ZMYM1: variants seen among roughly 807,000 people sequenced by gnomAD.
ZMYM1 encodes zinc finger MYM-type protein 1.
ZMYM1 carries 39 observed loss-of-function variants against 60.0 expected under a neutral mutation model. The observed-to-expected ratio is 0.65, with a 90% CI of 0.50 to 0.85. The LOEUF (loss-of-function observed/expected upper bound fraction) is 0.85. Ranked by LOEUF, ZMYM1 falls within the 40% of genes least tolerant of loss-of-function variation. The pLI, the probability that ZMYM1 is intolerant of heterozygous loss-of-function variation, is 0.00. For missense variants in ZMYM1, 1,171 were observed against 1,309.5 expected (o/e 0.89, Z 1.63); for synonymous variants, 413 against 454.0 (o/e 0.91, Z 1.15).
chr1:35,095,789 T>G (rs781150909), intron 2 of ZMYM1, 30 bp from the exon 3 acceptor site: 45 of 1,495,948 alleles, frequency 3.0e-5, no homozygotes, highest in Admixed American at 2.7e-4. Context: ...TATTCACTAT[T>G]TTTAATTATT....
Position 35,113,921 on chromosome 1 carries a change from CA to C in ZMYM1, c.2095del (p.Thr699LeufsTer24). ...MTGTHLHRTIKTYLQQIGVDM... is the reference protein window; with the variant it reads ...MTGTHLHRTIXTYLQQIGVDM... ...CTGGGACCCACTTACATAGGACTAT[CA>C]AAACTTATCTGCAGCAAATTGGAGT... On this transcript the variant is annotated frameshift_variant, in exon 10 of 10. Transcript: ENST00000359858. LOFTEE classifies it low-confidence loss of function (END_TRUNC). The C allele has an allele frequency of 6.2e-7, 1 of 1,613,876 alleles. No individual in the cohort carries two copies. Among genetic ancestry groups the C allele is most frequent in the Non-Finnish European group, 8.5e-7 (1 of 1,179,888 alleles).
Position 35,109,984 on chromosome 1 carries a change from G to A in ZMYM1, c.808-310G>A, listed in dbSNP as rs1644030684. On this transcript the variant is annotated intron_variant, in intron 6 of 9. Transcript: ENST00000359858. ...GCTGGTCTCGAACTCCTGACCTCAG[G>A]TGATCTGCCTGCTTTGGCCTCCCAA... 1.3e-5 allele frequency among the ~76,000 whole-genome samples: 2 copies of A among 152,116 alleles called. 1 individual carries two copies. Among genetic ancestry groups the A allele is most frequent in the South Asian group, 4.1e-4 (2 of 4,832 alleles).
At chr1:35,104,497 G>T (rs775755143) in intron 5 of ZMYM1, 28 bp downstream of exon 5, 3 of 1,610,440 alleles carry the variant, frequency 1.9e-6, no homozygotes, top group Non-Finnish European at 2.5e-6. Flanking sequence ...CCTTTACAGG[G>T]ATTCTGATGA....
chr1:35,094,020 C>T lies in ZMYM1; in HGVS notation c.33C>T (p.Asp11=), dbSNP rs377091826. The T allele has an allele frequency of 4.3e-6, 7 of 1,610,416 alleles. No homozygotes were observed. Among genetic ancestry groups the T allele is most frequent in the East Asian group, 2.2e-5 (1 of 44,620 alleles). Residue 11 remains aspartate (D), a synonymous_variant, in exon 2 of 10, where the codon GAC becomes GAT. Transcript: ENST00000359858. MKEPLLGGEC[D]KAVASQLGLL... Reference sequence around the variant, plus strand: ...AACCACTTTTAGGTGGTGAGTGTGACAAGGCAGTGGCATCACAGCTGGGGC... The same window carrying T: ...AACCACTTTTAGGTGGTGAGTGTGATAAGGCAGTGGCATCACAGCTGGGGC...
At position 35,114,896 on chromosome 1, in the gene ZMYM1, C is replaced by T. The variant is rs779950653; in HGVS notation, c.3066C>T (p.Asp1022=). The change falls in exon 10 of 10, where the codon GAC becomes GAT. Residue 1022 remains aspartate, a synonymous_variant. Coordinates refer to ENST00000359858, the MANE Select transcript of ZMYM1 (RefSeq NM_024772.5). The part of the protein sequence containing the change: ...HVQEFYKLDE[D]IIPELRFYRH... ...AGGAATTTTATAAACTTGATGAGGACATTATCCCAGAACTTAGATTTTATC... is the reference window on the plus strand; with the variant it reads ...AGGAATTTTATAAACTTGATGAGGATATTATCCCAGAACTTAGATTTTATC... 1 of 1,610,710 alleles carries T rather than the reference C, an allele frequency of 6.2e-7. No individual in the cohort carries two copies. The highest frequency in any genetic ancestry group is 1.3e-5 in the African/African-American group (1 of 74,952).
chr1:35,104,974 G>A (rs182202107), intron 6 of ZMYM1, among the ~76,000 whole-genome samples: 12 of 152,230 alleles, frequency 7.9e-5, no homozygotes, highest in East Asian at 5.8e-4. Context: ...ATCTCAGATC[G>A]ATTATCTCAC....
chr1:35,086,057 A>C (rs940924937), intron 1 of ZMYM1, among the ~76,000 whole-genome samples: 1 of 152,226 alleles, frequency 6.6e-6, no homozygotes, highest in Non-Finnish European at 1.5e-5. Context: ...TGATGACAGA[A>C]TTCAATTTTA....
At chr1:35,080,314 CTTTTTT>C (rs35214559) in intron 1 of ZMYM1, among the ~76,000 whole-genome samples, 1 of 125,508 alleles carries the variant, frequency 8.0e-6, no homozygotes, top group African/African-American at 3.2e-5. Flanking sequence ...ATTTGTGCTT[CTTTTTT>C]TTTTTTTTTT....
chr1:35,097,842 G>T (rs748599124), intron 4 of ZMYM1, among the ~76,000 whole-genome samples: 28 of 151,848 alleles, frequency 1.8e-4, no homozygotes, highest in Non-Finnish European at 3.5e-4. Flanking sequence ...ATGGGGTTTC[G>T]TTCGCCATGT....
At chr1:35,099,921 C>CA (rs149658456) in intron 4 of ZMYM1, among the ~76,000 whole-genome samples, 5,049 of 152,130 alleles carry the variant, frequency 0.033, 118 homozygotes, top group Non-Finnish European at 0.051. Context: ...AGTCTCGTCT[C>CA]AATCTGTCAC....
intron 1 of ZMYM1, among the ~76,000 whole-genome samples, chr1:35,065,293 CAA>C (rs56945075): frequency 2.2e-5 from 3 of 134,792 alleles, no homozygotes; most frequent in African/African-American, 2.6e-5. Context: ...CTTTCGGCAC[CAA>C]AAAAAAAAAA....
intron 1 of ZMYM1, among the ~76,000 whole-genome samples, chr1:35,071,140 G>C (rs1329492347): frequency 2.0e-5 from 3 of 152,066 alleles, no homozygotes; most frequent in Non-Finnish European, 4.4e-5. Flanking sequence ...GCCTACCTCA[G>C]CCTCCCAAAG....
Position 35,065,450 on chromosome 1 carries a change from C to G in ZMYM1, c.-301+5525C>G, listed in dbSNP as rs1466334401. Among the ~76,000 whole-genome samples the G allele has an allele frequency of 2.0e-5, 3 of 151,032 alleles. No individual in the cohort carries two copies. The East Asian group carries it at 5.8e-4, about 29-fold the overall frequency. ...ACATACAGAAAATATAGTTAATTGACGTTTATGTTATTGGTAAGGCTTCTG... is the reference window on the plus strand; with the variant it reads ...ACATACAGAAAATATAGTTAATTGAGGTTTATGTTATTGGTAAGGCTTCTG... On this transcript the variant is annotated intron_variant, in intron 1 of 10. Transcript: ENST00000417119.
chr1:35,115,244 G>A lies in ZMYM1; in HGVS notation c.3414G>A (p.Gln1138=). 2 of 1,588,064 alleles carry A rather than the reference G, an allele frequency of 1.3e-6. No individual in the cohort carries two copies. The highest frequency in any genetic ancestry group is 2.3e-5 in the South Asian group (2 of 86,302). The change falls in exon 10 of 10, where the codon CAG becomes CAA. Residue 1138 remains glutamine, a synonymous_variant. Coordinates refer to ENST00000359858, the MANE Select transcript of ZMYM1 (RefSeq NM_024772.5). ...AAATTGTGGAAAAGTTTATCAGTCA[G>A]ATGAAAGAAATATAATACATGCTCA... ...LNEIVEKFIS[Q]MKEI
intron 1 of ZMYM1, among the ~76,000 whole-genome samples, chr1:35,093,601 G>A (rs962585896): frequency 1.1e-4 from 17 of 152,242 alleles, no homozygotes; most frequent in Admixed American, 3.3e-4. Flanking sequence ...CTGGCCGAAA[G>A]CTTTACATTT....
intron 1 of ZMYM1, among the ~76,000 whole-genome samples, chr1:35,073,530 G>A (rs1401021046): frequency 6.7e-6 from 1 of 149,204 alleles, no homozygotes; most frequent in Non-Finnish European, 1.5e-5. Flanking sequence ...ACCACTTCAC[G>A]CCAGCCTAGG....
Position 35,095,823 on chromosome 1 carries a change from A to G in ZMYM1, c.101A>G (p.Tyr34Cys). The change falls in exon 3 of 10, where the codon TAT (tyrosine) becomes TGT (cysteine). Residue 34 changes from tyrosine (Y) to cysteine (C), a missense_variant. Physicochemically the swap from Tyr to Cys is radical, Grantham distance 194. Transcript: ENST00000359858. ...IKTEPDNAQE[Y>C]CHRQQSRTQE... The stretch of plus-strand genomic sequence containing the variant: ...TTATTTTTTTTTTCTTTTTAGGAGT[A>G]TTGTCATAGGCAACAGTCCAGAACT... 1 of 1,591,808 alleles carries G rather than the reference A, an allele frequency of 6.3e-7. No homozygotes were observed. Among genetic ancestry groups the G allele is most frequent in the South Asian group, 1.2e-5 (1 of 85,158 alleles).
In ZMYM1 at chr1:35,115,392, C is replaced by T. The variant is rs1644234600; in HGVS notation, c.*133C>T. ...CCTTCCCTCCTTTAGAACTCATTTTCTCTTCCCAAAAAGTGTTATCTTTTC... is the reference window on the plus strand; with the variant it reads ...CCTTCCCTCCTTTAGAACTCATTTTTTCTTCCCAAAAAGTGTTATCTTTTC... On this transcript the variant is annotated 3_prime_UTR_variant, in exon 10 of 10. Coordinates refer to ENST00000359858, the MANE Select transcript of ZMYM1 (RefSeq NM_024772.5). 2 of 1,104,134 alleles carry T rather than the reference C, an allele frequency of 1.8e-6. No individual in the cohort carries two copies. Among genetic ancestry groups the T allele is most frequent in the Non-Finnish European group, 2.5e-6 (2 of 806,668 alleles). 68.4% of individuals were successfully genotyped at this position (1,104,134 alleles called of 1,614,324 possible).
intron 1 of ZMYM1, among the ~76,000 whole-genome samples, chr1:35,068,525 G>A (rs1642014478): frequency 6.6e-6 from 1 of 151,266 alleles, no homozygotes; most frequent in Admixed American, 6.6e-5. Flanking sequence ...GACAGTCAAG[G>A]AGAAATGCAG....
Sources: gnomAD v4.1 joint callset for allele counts (sites outside exome capture counted in the v4.1 genomes callset) on GRCh38, gnomAD v4.1.1 for gene constraint, MANE v1.5 for transcripts, NCBI Gene and HGNC (gene_info 2026-07-23, HGNC 2026-07-21) for gene names.